Variants in ASPH observed in about 807,000 individuals in gnomAD.
The protein encoded by ASPH is aspartyl/asparaginyl beta-hydroxylase.
In ASPH, 100 loss-of-function variants were observed where a neutral mutation model predicts 118.4. The ratio of observed to expected loss-of-function variants is 0.84; its 90% CI spans 0.72 to 1.00. The LOEUF is 1.00. Ranked by LOEUF, ASPH falls within the 50% of genes least tolerant of loss-of-function variation. ASPH has a pLI of 0.00. For synonymous variants in ASPH, 315 were observed against 325.6 expected (o/e 0.97, Z 0.35); for missense variants, 920 against 919.5 (o/e 1.00, Z -0.01).
chr8:61,701,366 A>G (rs1162207816), intron 1 of ASPH, among the ~76,000 whole-genome samples: 1 of 152,178 alleles, frequency 6.6e-6, no homozygotes, highest in Admixed American at 6.5e-5. Flanking sequence ...ACTCAATGTT[A>G]CTCTATCCTA....
chr8:61,660,031 G>A (rs1348654459), intron 3 of ASPH: 4 of 150,906 alleles, frequency 2.7e-5, no homozygotes, highest in South Asian at 2.1e-4. Flanking sequence ...CAAGGAGCAC[G>A]TGCAAGTTTG....
intron 21 of ASPH, among the ~76,000 whole-genome samples, chr8:61,544,859 T>C (rs1430701610): frequency 6.6e-6 from 1 of 152,198 alleles, no homozygotes; most frequent in African/African-American, 2.4e-5. Context: ...ATAAAGGGCT[T>C]TTGGCTTTAT....
intron 24 of ASPH, among the ~76,000 whole-genome samples, chr8:61,509,606 T>G (rs1167720627): frequency 6.6e-6 from 1 of 152,162 alleles, no homozygotes; most frequent in African/African-American, 2.4e-5. Flanking sequence ...TCCTGTGACT[T>G]AGAATGCCTT....
At chr8:61,670,833 G>C (rs1181402712) in intron 3 of ASPH, among the ~76,000 whole-genome samples, 2 of 151,792 alleles carry the variant, frequency 1.3e-5, no homozygotes, top group Non-Finnish European at 2.9e-5. Flanking sequence ...GTTGTAAAGG[G>C]AAGAGAGAAG....
In ASPH at chr8:61,714,449, C is replaced by T; in HGVS notation, c.-78G>A. 1 of 1,359,974 alleles carries T rather than the reference C, an allele frequency of 7.4e-7. No individual in the cohort carries two copies. The highest frequency in any genetic ancestry group is 9.5e-7 in the Non-Finnish European group (1 of 1,056,942). 84.2% of individuals were successfully genotyped at this position (1,359,974 alleles called of 1,614,324 possible). A position where few individuals can be genotyped will look rare whatever the true frequency, so the allele number is the denominator to read the frequency against. ...GGGTACACACGCGACGCGGGAACCG[C>T]TGGCGGCGGCGGGCCGCTGGAGCGG... is the stretch of plus-strand genomic sequence containing the variant. On this transcript the variant is annotated 5_prime_UTR_variant, in exon 1 of 25. Transcript: ENST00000379454.
intron 3 of ASPH, chr8:61,675,765 G>T: frequency 8.9e-7 from 1 of 1,126,866 alleles, no homozygotes; most frequent in South Asian, 3.6e-5. Flanking sequence ...TCCAAATTTA[G>T]TTCAGTGAAT....
intron 14 of ASPH, among the ~76,000 whole-genome samples, chr8:61,595,753 G>C (rs1563954751): frequency 6.6e-6 from 1 of 152,182 alleles, no homozygotes; most frequent in Non-Finnish European, 1.5e-5. Context: ...GCACCATCAG[G>C]AAGCCCAATA....
Position 61,644,605 on chromosome 8 carries a change from T to C in ASPH, c.647A>G (p.Glu216Gly), listed in dbSNP as rs117730298. The C allele has an allele frequency of 0.012, 18,530 of 1,583,828 alleles. 133 individuals are homozygous for C. Among genetic ancestry groups the C allele is most frequent in the Non-Finnish European group, 0.014 (16,266 of 1,165,742 alleles). ...EETEHSYHVE[E>G]TVSQDCNQDM... is the part of the protein sequence containing the mutation. ...GAATTAAATTAAAATCTCACCTGTC[T>C]CTTCCACGTGGTAACTATGCTCGGT... Residue 216 changes from glutamate to glycine, a missense_variant, in exon 7 of 25, where the codon GAG becomes GGG. Physicochemically the swap from Glu to Gly is moderately conservative, Grantham distance 98 (BLOSUM62 -2). Coordinates refer to ENST00000379454, the MANE Select transcript of ASPH (RefSeq NM_004318.4).
intron 1 of ASPH, among the ~76,000 whole-genome samples, chr8:61,709,283 A>G (rs555332914): frequency 7.2e-5 from 11 of 152,316 alleles, no homozygotes; most frequent in African/African-American, 2.4e-4. Context: ...TTTTAAAAAT[A>G]ATGACTAACA....
intron 18 of ASPH, among the ~76,000 whole-genome samples, chr8:61,556,916 C>T (rs747515942): frequency 3.0e-4 from 45 of 152,212 alleles, no homozygotes; most frequent in Non-Finnish European, 5.0e-4. Context: ...CAAGTGTACA[C>T]GCAGGGGACA....
intron 21 of ASPH, among the ~76,000 whole-genome samples, chr8:61,534,095 GCAC>G (rs1430566421): frequency 6.6e-6 from 1 of 152,088 alleles, no homozygotes; most frequent in Non-Finnish European, 1.5e-5. Flanking sequence ...TTACAGGCAT[GCAC>G]CACCATGCCC....
chr8:61,631,128 T>C (rs973078444), intron 13 of ASPH, among the ~76,000 whole-genome samples: 1 of 152,212 alleles, frequency 6.6e-6, no homozygotes, highest in Non-Finnish European at 1.5e-5. Context: ...CTAATTTTTA[T>C]TACAAAATCA....
At chr8:61,663,113 C>T (rs1002354490) in intron 3 of ASPH, 10 of 985,350 alleles carry the variant, frequency 1.0e-5, no homozygotes, top group Non-Finnish European at 1.2e-5. Flanking sequence ...GAGAAAAGAT[C>T]TAACACGGGG....
Position 61,567,332 on chromosome 8 carries a change from C to T in ASPH, c.1150-14G>A, listed in dbSNP as rs573212246. The T allele has an allele frequency of 3.1e-6, 5 of 1,607,680 alleles. No individual in the cohort carries two copies. In the South Asian group the frequency reaches 5.5e-5, roughly 18 times the overall value. On this transcript the variant is annotated splice_polypyrimidine_tract_variant and intron_variant, in intron 16 of 24. Transcript: ENST00000379454. ...ATCATCCTCACACTAGAAGAAGTCC[C>T]CAGACTGGATAAATGTCCCATGACT... is the stretch of plus-strand genomic sequence containing the variant.
At chr8:61,572,860 A>G (rs1359228010) in intron 16 of ASPH, among the ~76,000 whole-genome samples, 1 of 152,246 alleles carries the variant, frequency 6.6e-6, no homozygotes, top group African/African-American at 2.4e-5. Context: ...AGTTCTGGCC[A>G]GGGTAATCAG....
At chr8:61,649,272 C>A (rs1318551354) in intron 5 of ASPH, among the ~76,000 whole-genome samples, 3 of 152,052 alleles carry the variant, frequency 2.0e-5, no homozygotes, top group Non-Finnish European at 4.4e-5. Context: ...AGAAAACTCT[C>A]GAGTTTTCAA....
intron 14 of ASPH, among the ~76,000 whole-genome samples, chr8:61,604,330 C>A (rs1188924639): frequency 6.6e-6 from 1 of 151,852 alleles, no homozygotes; most frequent in Non-Finnish European, 1.5e-5. Flanking sequence ...TGGTTAAATT[C>A]CTGGCTAAAT....
chr8:61,617,435 C>T (rs1849418114), intron 14 of ASPH, among the ~76,000 whole-genome samples: 1 of 152,108 alleles, frequency 6.6e-6, no homozygotes, highest in South Asian at 2.1e-4. Context: ...TTCTCATTAG[C>T]AGGTATCGCT....
intron 12 of ASPH, among the ~76,000 whole-genome samples, chr8:61,636,592 G>A (rs567755894): frequency 6.6e-6 from 1 of 152,262 alleles, no homozygotes; most frequent in African/African-American, 2.4e-5. Context: ...CACTGCCCAG[G>A]ACAGGAAACT....
Sources: allele counts gnomAD v4.1 joint callset (sites outside exome capture counted in the v4.1 genomes callset), GRCh38; gene constraint gnomAD v4.1.1; transcripts MANE v1.5; gene names NCBI Gene and HGNC (gene_info 2026-07-23, HGNC 2026-07-21).